Variants in IFT88 observed in about 807,000 individuals in gnomAD.
The protein encoded by IFT88 is intraflagellar transport 88.
In IFT88, 74 loss-of-function variants were observed where a neutral mutation model predicts 119.5. The observed-to-expected ratio is 0.62, with a 90% confidence interval of 0.51 to 0.75. The LOEUF (loss-of-function observed/expected upper bound fraction) is 0.75, where lower values mean the gene tolerates loss of function less well. IFT88 is among the 30% of genes least tolerant of loss of function. IFT88 has a pLI of 0.00. For synonymous variants in IFT88, 279 were observed against 316.7 expected (o/e 0.88, Z 1.26); for missense variants, 961 against 977.7 (o/e 0.98, Z 0.23).
chr13:20,655,547 C>T (rs1323938004), intron 21 of IFT88, among the ~76,000 whole-genome samples: 8 of 152,066 alleles, frequency 5.3e-5, no homozygotes, highest in African/African-American at 1.9e-4. Flanking sequence ...GGCTGGCCTG[C>T]AGTGGCACTA....
intron 13 of IFT88, chr13:20,614,502 C>T (rs2045244105): frequency 6.6e-6 from 1 of 152,066 alleles, no homozygotes; most frequent in South Asian, 2.1e-4. Context: ...TTATATATAA[C>T]ACTCTTAAAA....
chr13:20,606,112 A>C (rs1379284589), intron 13 of IFT88, among the ~76,000 whole-genome samples: 4 of 152,174 alleles, frequency 2.6e-5, no homozygotes, highest in Non-Finnish European at 5.9e-5. Context: ...TTAAAAGTAC[A>C]ACTGGGGTGG....
intron 20 of IFT88, among the ~76,000 whole-genome samples, chr13:20,647,930 A>C (rs1165732236): frequency 6.6e-6 from 1 of 152,212 alleles, no homozygotes; most frequent in Non-Finnish European, 1.5e-5. Context: ...ACAAAGAGAG[A>C]ATCTCGACAG....
At chr13:20,670,086 G>A (rs1172181234) in intron 23 of IFT88, among the ~76,000 whole-genome samples, 1 of 152,160 alleles carries the variant, frequency 6.6e-6, no homozygotes, top group Non-Finnish European at 1.5e-5. Context: ...TTGGGAAGTT[G>A]TCAGGGTTAA....
intron 14 of IFT88, 104 bp from the exon 15 acceptor site, chr13:20,625,646 T>G: frequency 1.4e-6 from 1 of 706,082 alleles, no homozygotes. Context: ...TACAGAGTAC[T>G]AGGGACCCTT....
intron 13 of IFT88, among the ~76,000 whole-genome samples, chr13:20,606,878 C>T (rs2043566172): frequency 6.6e-6 from 1 of 151,866 alleles, no homozygotes; most frequent in African/African-American, 2.4e-5. Context: ...AGGACTCCAT[C>T]TCAAAAAATA....
intron 17 of IFT88, among the ~76,000 whole-genome samples, chr13:20,639,050 T>C (rs2049460812): frequency 1.3e-5 from 2 of 152,216 alleles, no homozygotes; most frequent in Non-Finnish European, 2.9e-5. Flanking sequence ...CTTCCCTGCC[T>C]TTCAGCGGTT....
Position 20,590,982 on chromosome 13 carries a change from G to T in IFT88, c.226G>T (p.Ala76Ser). The change falls in exon 5 of 26, where the codon GCA (alanine) becomes TCA (serine). Residue 76 changes from alanine (A) to serine (S), a missense_variant. Physicochemically the swap from Ala to Ser is moderately conservative, Grantham distance 99. Transcript: ENST00000351808. Reference protein sequence around the residue: ...ATGYGSKTSLASSIGRPMTGA... With the variant: ...ATGYGSKTSLSSSIGRPMTGA... Reference sequence around the variant, plus strand: ...TGTTTACTAGTCCAAGACATCTCTGGCATCATCAATAGGAAGACCAATGAC... The same window carrying T: ...TGTTTACTAGTCCAAGACATCTCTGTCATCATCAATAGGAAGACCAATGAC... 3 of 1,608,136 alleles carry T rather than the reference G, an allele frequency of 1.9e-6. No individual in the cohort carries two copies. The highest frequency in any genetic ancestry group is 2.6e-6 in the Non-Finnish European group (3 of 1,176,296).
At chr13:20,575,017 T>C (rs946282442) in intron 2 of IFT88, among the ~76,000 whole-genome samples, 8 of 152,132 alleles carry the variant, frequency 5.3e-5, no homozygotes, top group African/African-American at 1.7e-4. Flanking sequence ...TTATTGACTA[T>C]AGTCACCCCA....
chr13:20,640,765 T>C (rs1445230680), intron 17 of IFT88, among the ~76,000 whole-genome samples: 1 of 152,110 alleles, frequency 6.6e-6, no homozygotes, highest in Non-Finnish European at 1.5e-5. Flanking sequence ...TCCTGCCCCC[T>C]ACCACACTTT....
At chr13:20,662,861 A>G (rs995832155) in intron 22 of IFT88, among the ~76,000 whole-genome samples, 9 of 152,212 alleles carry the variant, frequency 5.9e-5, no homozygotes, top group African/African-American at 1.4e-4. Context: ...ATAAGACCCA[A>G]TAGCAAGCAG....
At chr13:20,658,845 G>A (rs919828753) in intron 22 of IFT88, among the ~76,000 whole-genome samples, 5 of 152,114 alleles carry the variant, frequency 3.3e-5, no homozygotes, top group Admixed American at 1.3e-4. Flanking sequence ...CCTCTGCACC[G>A]GACCGGAAAA....
chr13:20,653,646 T>C (rs564385485), intron 20 of IFT88, among the ~76,000 whole-genome samples: 71 of 152,306 alleles, frequency 4.7e-4, no homozygotes, highest in Middle Eastern at 3.4e-3. Context: ...TATGAATATC[T>C]AAATAAAGGT....
intron 24 of IFT88, among the ~76,000 whole-genome samples, chr13:20,674,373 C>A (rs1420218938): frequency 6.6e-6 from 1 of 152,126 alleles, no homozygotes; most frequent in East Asian, 1.9e-4. Flanking sequence ...GTGTAGCTGT[C>A]CTCAAGACAC....
At chr13:20,618,333 A>G (rs976641323) in intron 14 of IFT88, among the ~76,000 whole-genome samples, 12 of 152,166 alleles carry the variant, frequency 7.9e-5, no homozygotes, top group Non-Finnish European at 1.3e-4. Flanking sequence ...GATCTGAGTC[A>G]GGGTTCTGAG....
chr13:20,573,219 G>C (rs1359716482), intron 1 of IFT88, among the ~76,000 whole-genome samples: 1 of 152,046 alleles, frequency 6.6e-6, no homozygotes. Context: ...CAATGGCACT[G>C]TCTGGATACT....
At chr13:20,622,440 C>T (rs2046688644) in intron 14 of IFT88, among the ~76,000 whole-genome samples, 1 of 152,132 alleles carries the variant, frequency 6.6e-6, no homozygotes, top group South Asian at 2.1e-4. Flanking sequence ...TTTTGCATTC[C>T]CATTAGCAAT....
At chr13:20,591,199 A>G (rs1235654915) in intron 5 of IFT88, among the ~76,000 whole-genome samples, 179 bp downstream of exon 5, 2 of 152,176 alleles carry the variant, frequency 1.3e-5, no homozygotes, top group Admixed American at 1.3e-4. Context: ...TTGAAGGCGA[A>G]GTCTCTTTAG....
In IFT88 at chr13:20,643,661, A is replaced by C; in HGVS notation, c.1833+56A>C. 2.4e-6 allele frequency: 3 copies of C among 1,258,642 alleles called. No homozygotes were observed. The South Asian group carries it at 4.3e-5, about 18-fold the overall frequency. The allele number at this position is 1,258,642 out of a possible 1,614,324, so 78.0% of individuals were successfully genotyped here. A position where few individuals can be genotyped will look rare whatever the true frequency, so the allele number is the denominator to read the frequency against. On this transcript the variant is annotated intron_variant, in intron 19 of 25. Transcript: ENST00000351808. ...TTTTAGCATTTTATGAATTGTTATAAAGAAGGCAGCAAGGCTTTAAAATTT... is the reference window on the plus strand; with the variant it reads ...TTTTAGCATTTTATGAATTGTTATACAGAAGGCAGCAAGGCTTTAAAATTT...
Sources: gnomAD v4.1 joint callset for allele counts (sites outside exome capture counted in the v4.1 genomes callset) on GRCh38, gnomAD v4.1.1 for gene constraint, MANE v1.5 for transcripts, NCBI Gene and HGNC (gene_info 2026-07-23, HGNC 2026-07-21) for gene names.